The following SNX9 variants were observed in gnomAD, a reference collection of about 807,000 sequenced individuals.
SNX9 encodes sorting nexin 9.
Under a neutral mutation model 89.4 loss-of-function variants are expected in SNX9, and 44 were observed. The observed-to-expected ratio is 0.49, with a 90% confidence interval of 0.39 to 0.63. The LOEUF is 0.63. SNX9 is among the 30% of genes least tolerant of loss of function. SNX9 has a pLI of 0.00. For synonymous variants in SNX9, 236 were observed against 247.8 expected (o/e 0.95, Z 0.45); for missense variants, 578 against 736.1 (o/e 0.79, Z 2.49).
chr6:157,857,753 C>T (rs1160575677), intron 1 of SNX9, among the ~76,000 whole-genome samples: 2 of 150,100 alleles, frequency 1.3e-5, no homozygotes, highest in South Asian at 2.1e-4. Flanking sequence ...AAAAAAAAAT[C>T]CTATTTGTAT....
At chr6:157,834,507 G>A (rs550734429) in intron 1 of SNX9, among the ~76,000 whole-genome samples, 34 of 144,648 alleles carry the variant, frequency 2.4e-4, no homozygotes, top group African/African-American at 3.5e-4. Context: ...CCACCCCCCC[G>A]GCCAATTTTT....
intron 1 of SNX9, among the ~76,000 whole-genome samples, chr6:157,828,605 C>T (rs1026321420): frequency 2.6e-5 from 4 of 152,096 alleles, no homozygotes; most frequent in African/African-American, 9.7e-5. Flanking sequence ...GTGATCCTTC[C>T]ACCTCAGTCT....
intron 4 of SNX9, among the ~76,000 whole-genome samples, chr6:157,894,576 G>A: frequency 6.6e-6 from 1 of 151,060 alleles, no homozygotes; most frequent in East Asian, 1.9e-4. Context: ...AATATTCTTT[G>A]AGATTGGGTG....
intron 1 of SNX9, among the ~76,000 whole-genome samples, chr6:157,842,490 G>A (rs756889478): frequency 7.2e-5 from 11 of 152,164 alleles, no homozygotes; most frequent in Admixed American, 1.3e-4. Context: ...AGTAATTCAC[G>A]TAGAGCTGGC....
At position 157,935,428 on chromosome 6, in the gene SNX9, G is replaced by C. The variant is rs78091021; in HGVS notation, c.1367-536G>C. Among the ~76,000 whole-genome samples the C allele has an allele frequency of 1.5e-3, 221 of 152,252 alleles. 1 individual carries two copies. In the East Asian group the frequency reaches 0.015, roughly 11 times the overall value. On this transcript the variant is annotated intron_variant, in intron 13 of 17. Coordinates refer to ENST00000392185, the MANE Select transcript of SNX9 (RefSeq NM_016224.5). ...GTGTGAAGAGAACACAGGGACAGGG[G>C]AGTGTGTGACATATCACCAGAGACA... is the stretch of plus-strand genomic sequence containing the variant.
chr6:157,876,422 G>A (rs1285418797), intron 4 of SNX9, among the ~76,000 whole-genome samples: 1 of 152,196 alleles, frequency 6.6e-6, no homozygotes. Flanking sequence ...CTGTACTCCA[G>A]CCTGGGCGAG....
intron 3 of SNX9, chr6:157,874,824 A>T: frequency 2.5e-6 from 1 of 407,946 alleles, no homozygotes; most frequent in Admixed American, 4.3e-5. Flanking sequence ...CTTCTAAATA[A>T]TGCATGGATC....
intron 1 of SNX9, among the ~76,000 whole-genome samples, chr6:157,836,803 G>A (rs1010725266): frequency 3.3e-5 from 5 of 151,966 alleles, no homozygotes; most frequent in African/African-American, 9.7e-5. Context: ...ATGTTAGCCC[G>A]GATGGTCTCG....
At position 157,823,382 on chromosome 6, in the gene SNX9, A is replaced by G; in HGVS notation, c.-53A>G. The G allele has an allele frequency of 2.4e-6, 3 of 1,263,532 alleles. No homozygotes were observed. The highest frequency in any genetic ancestry group is 3.4e-5 in the Admixed American group (1 of 29,652). The allele number at this position is 1,263,532 out of a possible 1,614,324, so 78.3% of individuals were successfully genotyped here. ...TTTGCCTGCGCGGCTCAGAATCACC[A>G]TCCGCGGCGCGGGAGACGAGCCGGC... On this transcript the variant is annotated 5_prime_UTR_variant, in exon 1 of 18. Transcript: ENST00000392185. This position sits in a 1 kb window ranked among gnomAD's most constrained non-coding sequence, Gnocchi z 4.6.
intron 1 of SNX9, among the ~76,000 whole-genome samples, chr6:157,839,846 A>G (rs1781659845): frequency 6.6e-6 from 1 of 152,174 alleles, no homozygotes; most frequent in South Asian, 2.1e-4. Flanking sequence ...CTGCTTGAGG[A>G]CATGGTAACC....
intron 1 of SNX9, among the ~76,000 whole-genome samples, chr6:157,862,455 G>A (rs1333929730): frequency 1.3e-5 from 2 of 151,942 alleles, no homozygotes; most frequent in Non-Finnish European, 2.9e-5. Flanking sequence ...ACTTCTCGAG[G>A]GTGTCAAATC....
At chr6:157,900,522 G>C (rs1056344465) in intron 5 of SNX9, among the ~76,000 whole-genome samples, 10 of 152,126 alleles carry the variant, frequency 6.6e-5, no homozygotes, top group African/African-American at 2.2e-4. Flanking sequence ...CTGGGTCCGG[G>C]GGGGTCACTG....
chr6:157,872,887 T>C, intron 2 of SNX9: 1 of 398,494 alleles, frequency 2.5e-6, no homozygotes, highest in Non-Finnish European at 4.5e-6. Flanking sequence ...TGATCACTTA[T>C]TATTGAAGTT....
chr6:157,871,655 T>C (rs1177126921), intron 2 of SNX9, among the ~76,000 whole-genome samples: 1 of 152,128 alleles, frequency 6.6e-6, no homozygotes, highest in Non-Finnish European at 1.5e-5. Flanking sequence ...TGTGCACATG[T>C]ACCCTAGAAC....
At chr6:157,875,276 A>G in intron 4 of SNX9, 100 bp downstream of exon 4, 1 of 1,420,822 alleles carries the variant, frequency 7.0e-7, no homozygotes, top group Non-Finnish European at 9.3e-7. Flanking sequence ...CATTCCCCAA[A>G]AGCAAAAACA....
chr6:157,834,280 A>G (rs951761807), intron 1 of SNX9, among the ~76,000 whole-genome samples: 1 of 143,804 alleles, frequency 7.0e-6, no homozygotes, highest in African/African-American at 2.6e-5. Context: ...CGATCCTCTC[A>G]CCTCAACATC....
At chr6:157,901,814 T>G (rs1783102751) in intron 5 of SNX9, 84 bp from the exon 6 acceptor site, 14 of 1,510,292 alleles carry the variant, frequency 9.3e-6, no homozygotes, top group South Asian at 6.5e-5. Context: ...CAGTAGGTAG[T>G]TACTGTCAGA....
At position 157,914,430 on chromosome 6, in the gene SNX9, A is replaced by G. The variant is rs1416990396; in HGVS notation, c.949+4405A>G. ...TTGTTAGATAAGTGATTTGCAAATAACTTGTCGCAGCTGTGGCTTGGCTTG... is the reference window on the plus strand; with the variant it reads ...TTGTTAGATAAGTGATTTGCAAATAGCTTGTCGCAGCTGTGGCTTGGCTTG... On this transcript the variant is annotated intron_variant, in intron 9 of 17. Transcript: ENST00000392185. Among the ~76,000 whole-genome samples the G allele has an allele frequency of 3.4e-5, 5 of 148,174 alleles. No individual in the cohort carries two copies. The East Asian group carries it at 9.7e-4, about 29-fold the overall frequency.
intron 10 of SNX9, among the ~76,000 whole-genome samples, chr6:157,926,691 A>C (rs924634340): frequency 2.0e-5 from 3 of 150,792 alleles, no homozygotes; most frequent in Middle Eastern, 3.4e-3. Flanking sequence ...TGAGGTGGGA[A>C]GATTGCTTGA....
Sources: allele counts gnomAD v4.1 joint callset (sites outside exome capture counted in the v4.1 genomes callset), GRCh38; gene constraint gnomAD v4.1.1; non-coding constraint Gnocchi (gnomAD v3.1); transcripts MANE v1.5; gene names NCBI Gene and HGNC (gene_info 2026-07-23, HGNC 2026-07-21).